Variants in ABHD17B observed in about 807,000 individuals in gnomAD.
ABHD17B encodes alpha/beta hydrolase domain-containing protein 17B.
ABHD17B carries 9 observed loss-of-function variants against 26.2 expected under a neutral mutation model. The ratio of observed to expected loss-of-function variants is 0.34; its 90% CI spans 0.21 to 0.60. The LOEUF is 0.60. ABHD17B is among the 20% of genes least tolerant of loss of function. The pLI is 0.80. For missense variants in ABHD17B, 224 were observed against 352.1 expected, an observed-to-expected ratio of 0.64 and a Z score of 2.91; for synonymous variants, 127 against 122.3, an observed-to-expected ratio of 1.04 and a Z score of -0.25.
chr9:71,871,330 CAT>C (rs1826105721), intron 2 of ABHD17B, among the ~76,000 whole-genome samples: 1 of 152,158 alleles, frequency 6.6e-6, no homozygotes, highest in Non-Finnish European at 1.5e-5. Flanking sequence ...CAGCTCTCCC[CAT>C]ATAGTTTCTT....
At chr9:71,908,913 T>C (rs1827363117) in intron 1 of ABHD17B, among the ~76,000 whole-genome samples, 2 of 152,204 alleles carry the variant, frequency 1.3e-5, no homozygotes, top group South Asian at 2.1e-4. Context: ...GACTCAGATG[T>C]GGGATAGCGT....
At chr9:71,880,151 G>A (rs778927982) in intron 1 of ABHD17B, among the ~76,000 whole-genome samples, 1 of 152,152 alleles carries the variant, frequency 6.6e-6, no homozygotes, top group Non-Finnish European at 1.5e-5. Flanking sequence ...GCTAGAATAT[G>A]CAAATAACCA....
intron 1 of ABHD17B, among the ~76,000 whole-genome samples, chr9:71,907,640 T>C (rs991745236): frequency 2.6e-5 from 4 of 152,080 alleles, no homozygotes; most frequent in African/African-American, 9.7e-5. Flanking sequence ...GCCTCCCGAG[T>C]GGCTGGGATT....
intron 1 of ABHD17B, among the ~76,000 whole-genome samples, chr9:71,883,050 G>C (rs534521898): frequency 3.9e-5 from 6 of 151,996 alleles, no homozygotes; most frequent in Non-Finnish European, 8.8e-5. Flanking sequence ...GGCTGAGGCA[G>C]GAGAATCGTT....
intron 1 of ABHD17B, among the ~76,000 whole-genome samples, chr9:71,890,819 T>A (rs754131202): frequency 4.6e-5 from 7 of 152,238 alleles, no homozygotes; most frequent in Non-Finnish European, 8.8e-5. Flanking sequence ...TAGAATTTGT[T>A]CAACAAAATC....
Position 71,865,809 on chromosome 9 carries a change from C to T in ABHD17B, c.*978G>A, listed in dbSNP as rs1825941903. On this transcript the variant is annotated 3_prime_UTR_variant, in exon 4 of 4. Coordinates refer to ENST00000333421, the MANE Select transcript of ABHD17B (RefSeq NM_001025780.3). ...CCGGGAGGCAGAGGTTGCAGTGAAT[C>T]AAGATCGCGCCACTGCACTCCAGCC... 1.1e-6 allele frequency: 1 copy of T among 889,818 alleles called. No homozygotes were observed. The highest frequency in any genetic ancestry group is 1.8e-5 in the African/African-American group (1 of 55,106). The allele number at this position is 889,818 out of a possible 1,614,324, so 55.1% of individuals were successfully genotyped here. A position where few individuals can be genotyped will look rare whatever the true frequency, so the allele number is the denominator to read the frequency against.
intron 1 of ABHD17B, among the ~76,000 whole-genome samples, chr9:71,876,950 A>G (rs970852083): frequency 2.0e-5 from 3 of 149,502 alleles, no homozygotes; most frequent in African/African-American, 7.7e-5. Flanking sequence ...TACAGCCTGA[A>G]TAAGTTAATG....
chr9:71,877,718 G>A (rs1443516490), intron 1 of ABHD17B, among the ~76,000 whole-genome samples: 3 of 152,134 alleles, frequency 2.0e-5, no homozygotes, highest in Admixed American at 6.5e-5. Context: ...GCACCCAGCA[G>A]AAAAACTTTC....
chr9:71,868,171 A>G (rs1826011117), intron 3 of ABHD17B, among the ~76,000 whole-genome samples: 1 of 152,036 alleles, frequency 6.6e-6, no homozygotes, highest in South Asian at 2.1e-4. Flanking sequence ...GTGAGCCAAG[A>G]TCACACCATT....
At position 71,908,749 on chromosome 9, in the gene ABHD17B, AAAGT is replaced by A. The variant is rs1487215205; in HGVS notation, c.-4+1881_-4+1884del. Among the ~76,000 whole-genome samples, 3 of 152,240 alleles carry A rather than the reference AAAGT, an allele frequency of 2.0e-5. 1 individual carries two copies. The highest frequency in any genetic ancestry group is 4.4e-5 in the Non-Finnish European group (3 of 68,040). The stretch of plus-strand genomic sequence containing the variant: ...TGATTGAAATTCATAATATCAAAAC[AAAGT>A]AAGAGCACTGCATTAAAAAGTATTC... On this transcript the variant is annotated intron_variant, in intron 1 of 3. Transcript: ENST00000333421.
chr9:71,900,175 GGACT>G (rs891666418), intron 1 of ABHD17B, among the ~76,000 whole-genome samples: 4 of 152,124 alleles, frequency 2.6e-5, no homozygotes, highest in African/African-American at 7.2e-5. Flanking sequence ...GGAAATGAAA[GGACT>G]AACTAGGGTT....
intron 1 of ABHD17B, among the ~76,000 whole-genome samples, chr9:71,881,686 G>T (rs1826444870): frequency 6.6e-6 from 1 of 152,136 alleles, no homozygotes. Flanking sequence ...AGGAGATCGA[G>T]ACCATCCTGC....
chr9:71,902,955 T>C (rs1018362078), intron 1 of ABHD17B, among the ~76,000 whole-genome samples: 1 of 152,180 alleles, frequency 6.6e-6, no homozygotes, highest in Non-Finnish European at 1.5e-5. Flanking sequence ...TTACTTCAAG[T>C]TTCTTGTGAT....
At chr9:71,897,716 G>A (rs938787927) in intron 1 of ABHD17B, among the ~76,000 whole-genome samples, 8 of 152,106 alleles carry the variant, frequency 5.3e-5, no homozygotes, top group Admixed American at 4.6e-4. Flanking sequence ...TTACATAGAT[G>A]TTGTAACATG....
chr9:71,867,078 C>T lies in ABHD17B; in HGVS notation c.648-72G>A. ...AAAGGAACATATTCTTGTGCTATAT[C>T]AGACAGATAATTCAAATATGAGAAT... On this transcript the variant is annotated intron_variant, in intron 3 of 3. Transcript: ENST00000333421. 4.7e-6 allele frequency: 7 copies of T among 1,492,754 alleles called. 1 individual carries two copies. The South Asian group carries it at 8.3e-5, about 18-fold the overall frequency. The allele number at this position is 1,492,754 out of a possible 1,614,324, so 92.5% of individuals were successfully genotyped here.
intron 1 of ABHD17B, among the ~76,000 whole-genome samples, chr9:71,908,569 A>G (rs1419343752): frequency 2.0e-5 from 3 of 152,208 alleles, no homozygotes; most frequent in South Asian, 2.1e-4. Context: ...AAAATCTACC[A>G]GTAAATAAAC....
chr9:71,870,184 T>A lies in ABHD17B; in HGVS notation c.546A>T (p.Arg182=). ...GAAGAATAACAGCAGCACTCTCATA[T>A]CGAGCAGCAAGATCCACAGACGGTA... is the stretch of plus-strand genomic sequence containing the variant. ...GTVPSVDLAA[R]YESAAVILHS... Residue 182 remains arginine, a synonymous_variant, in exon 3 of 4, where the codon CGA becomes CGT. Coordinates refer to ENST00000333421, the MANE Select transcript of ABHD17B (RefSeq NM_001025780.3). 1 of 1,614,098 alleles carries A rather than the reference T, an allele frequency of 6.2e-7. No homozygotes were observed.
downstream of ABHD17B, among the ~76,000 whole-genome samples, chr9:71,863,592 C>T (rs1825880637): frequency 6.6e-6 from 1 of 152,186 alleles, no homozygotes; most frequent in Admixed American, 6.5e-5. Context: ...GGAATTTCTT[C>T]TGTGACACCT....
chr9:71,905,506 A>C (rs1210203021), intron 1 of ABHD17B, among the ~76,000 whole-genome samples: 1 of 152,230 alleles, frequency 6.6e-6, no homozygotes, highest in African/African-American at 2.4e-5. Flanking sequence ...AATGCAGACA[A>C]GCAGACCCTC....
Sources: gnomAD v4.1 joint callset for allele counts (sites outside exome capture counted in the v4.1 genomes callset) on GRCh38, gnomAD v4.1.1 for gene constraint, MANE v1.5 for transcripts, NCBI Gene and HGNC (gene_info 2026-07-23, HGNC 2026-07-21) for gene names.